Variants in GSN observed in about 807,000 individuals in gnomAD.
The protein encoded by GSN is gelsolin.
In GSN, 56 loss-of-function variants were observed where a neutral mutation model predicts 85.7. The observed-to-expected ratio is 0.65, with a 90% CI of 0.53 to 0.82. The LOEUF is 0.82. Ranked by LOEUF, GSN falls within the 40% of genes least tolerant of loss-of-function variation. The pLI, the probability that GSN is intolerant of heterozygous loss-of-function variation, is 0.00. For missense variants in GSN, 857 were observed against 979.8 expected, an observed-to-expected ratio of 0.87 and a Z score of 1.67; for synonymous variants, 373 against 399.1, an observed-to-expected ratio of 0.93 and a Z score of 0.78.
At chr9:121,296,763 T>G (rs2059259048) in intron 2 of GSN, among the ~76,000 whole-genome samples, 1 of 152,168 alleles carries the variant, frequency 6.6e-6, no homozygotes, top group African/African-American at 2.4e-5. Context: ...TAAGACAATG[T>G]TGCCCGCATC....
In GSN at chr9:121,255,624, C is replaced by T. The variant is rs189730524; in HGVS notation, c.-341+7301C>T. Among the ~76,000 whole-genome samples, 4 of 152,100 alleles carry T rather than the reference C, an allele frequency of 2.6e-5. No individual in the cohort carries two copies. In the South Asian group the frequency reaches 8.3e-4, roughly 32 times the overall value. ...ATATAGATATAGCTTGAGAATGCCC[C>T]CATTTTACTACATAAGGATTTCCAC... On this transcript the variant is annotated intron_variant, in intron 6 of 24. Coordinates refer to the GSN transcript ENST00000373823.
At position 121,329,051 on chromosome 9, in the gene GSN, C is replaced by T; in HGVS notation, c.1887+36C>T. On this transcript the variant is annotated intron_variant, in intron 15 of 17. Transcript: ENST00000432226. This position sits in a 1 kb window ranked among gnomAD's most constrained non-coding sequence, Gnocchi z 4.6. ...GCGGAGGTCACACCTCTGCTTTCCCCTCGGGAGGCGAGTTCCACAGGACTG... is the reference window on the plus strand; with the variant it reads ...GCGGAGGTCACACCTCTGCTTTCCCTTCGGGAGGCGAGTTCCACAGGACTG... 1 of 1,610,646 alleles carries T rather than the reference C, an allele frequency of 6.2e-7. No homozygotes were observed. The highest frequency in any genetic ancestry group is 8.5e-7 in the Non-Finnish European group (1 of 1,178,998).
upstream of GSN, among the ~76,000 whole-genome samples, chr9:121,263,550 G>A (rs1423916338): frequency 2.0e-5 from 3 of 152,070 alleles, no homozygotes; most frequent in Non-Finnish European, 4.4e-5. Context: ...TTACGTGGTG[G>A]CAGGAGAGAG....
chr9:121,291,104 T>A (rs1487065181), intron 2 of GSN, among the ~76,000 whole-genome samples: 2 of 152,000 alleles, frequency 1.3e-5, no homozygotes, highest in Non-Finnish European at 2.9e-5. Flanking sequence ...TTAAAAACAG[T>A]GCAGTGTAAC....
At position 121,329,664 on chromosome 9, in the gene GSN, T is replaced by C. The variant is rs1007641807; in HGVS notation, c.1965+349T>C. Among the ~76,000 whole-genome samples the C allele has an allele frequency of 6.6e-6, 1 of 152,244 alleles. No individual in the cohort carries two copies. Among genetic ancestry groups the C allele is most frequent in the Non-Finnish European group, 1.5e-5 (1 of 68,044 alleles). ...AAGTTGAACTTAGCAGCATCTTGTT[T>C]GCAGGCATAAACTGTCCAGTGTCAC... On this transcript the variant is annotated intron_variant, in intron 16 of 17. Transcript: ENST00000432226. This position sits in a 1 kb window ranked among gnomAD's most constrained non-coding sequence, Gnocchi z 4.6.
chr9:121,318,977 T>C lies in GSN; in HGVS notation c.1191+97T>C. 1 of 973,528 alleles carries C rather than the reference T, an allele frequency of 1.0e-6. No homozygotes were observed. The highest frequency in any genetic ancestry group is 1.6e-6 in the Non-Finnish European group (1 of 617,914). 60.3% of individuals were successfully genotyped at this position (973,528 alleles called of 1,614,324 possible). The stretch of plus-strand genomic sequence containing the variant: ...CCCAAGGAGGTTTCTCTCTGAGGTT[T>C]GCACAACTTTGGTAGCTGAGATTCT... On this transcript the variant is annotated intron_variant, in intron 10 of 17. Transcript: ENST00000432226. The surrounding 1 kb of genome is among the most constrained non-coding windows in gnomAD (Gnocchi z 4.3).
chr9:121,203,648 T>C (rs2053839163), upstream of GSN, among the ~76,000 whole-genome samples: 1 of 152,228 alleles, frequency 6.6e-6, no homozygotes, highest in Non-Finnish European at 1.5e-5. Context: ...TGCCAGTTTG[T>C]ACATCTCATA....
At chr9:121,317,022 G>C in intron 7 of GSN, 64 bp from the exon 8 acceptor site, 2 of 1,609,706 alleles carry the variant, frequency 1.2e-6, no homozygotes, top group Non-Finnish European at 1.7e-6. Context: ...CAAGATGGTG[G>C]AAGTCTCAGG....
intron 4 of GSN, among the ~76,000 whole-genome samples, chr9:121,217,651 A>G (rs1463673918): frequency 6.6e-6 from 1 of 152,006 alleles, no homozygotes; most frequent in African/African-American, 2.4e-5. Flanking sequence ...CCCTGTCTCT[A>G]AATACAGTCA....
At chr9:121,310,464 C>T (rs1310189206) in intron 4 of GSN, 4 of 592,192 alleles carry the variant, frequency 6.8e-6, no homozygotes, top group Admixed American at 2.6e-5. Flanking sequence ...TGGCCTTGGG[C>T]AAATTTTATT....
intron 1 of GSN, among the ~76,000 whole-genome samples, chr9:121,270,217 G>A (rs1271842237): frequency 6.6e-6 from 1 of 152,180 alleles, no homozygotes; most frequent in Non-Finnish European, 1.5e-5. Flanking sequence ...GGTGGTGGGA[G>A]GTTGAGAATC....
upstream of GSN, among the ~76,000 whole-genome samples, chr9:121,266,980 T>G (rs978614995): frequency 2.6e-5 from 4 of 152,190 alleles, no homozygotes; most frequent in African/African-American, 9.6e-5. Context: ...CAACAGCCTT[T>G]TCTGCTCTGA....
intron 4 of GSN, among the ~76,000 whole-genome samples, chr9:121,218,571 G>T (rs2054110709): frequency 6.6e-6 from 1 of 152,192 alleles, no homozygotes; most frequent in Non-Finnish European, 1.5e-5. Context: ...GGAGGCGGAG[G>T]TTGCAGTAAG....
chr9:121,301,824 G>A (rs2059896114), intron 2 of GSN, 139 bp from the exon 3 acceptor site: 1 of 1,395,500 alleles, frequency 7.2e-7, no homozygotes, highest in Non-Finnish European at 9.9e-7. Context: ...CCCAGAAGGG[G>A]ATAGACTTCC....
chr9:121,221,206 A>G (rs538274461), intron 4 of GSN, among the ~76,000 whole-genome samples: 1 of 152,286 alleles, frequency 6.6e-6, no homozygotes, highest in South Asian at 2.1e-4. Flanking sequence ...ATTGTCCGAA[A>G]CTTCTCCATT....
chr9:121,313,665 G>A lies in GSN; in HGVS notation c.664-269G>A, dbSNP rs551696814. On this transcript the variant is annotated intron_variant, in intron 6 of 17. Coordinates refer to ENST00000432226, the MANE Select transcript of GSN (RefSeq NM_198252.3). ...GTAGCTATAGTTATCACAATTAGCC[G>A]GTAGGCGAAATATCTGAAGCGCTGT... The A allele has an allele frequency of 3.7e-4, 198 of 532,826 alleles. 2 individuals are homozygous for A. Among genetic ancestry groups the A allele is most frequent in the South Asian group, 1.4e-3 (68 of 49,694 alleles). 33.0% of individuals were successfully genotyped at this position (532,826 alleles called of 1,614,324 possible).
At chr9:121,239,417 T>G (rs1462911623) in intron 5 of GSN, 1 of 423,658 alleles carries the variant, frequency 2.4e-6, no homozygotes, top group Non-Finnish European at 4.6e-6. Flanking sequence ...AACCAGGCAG[T>G]TTCCATGTTT....
chr9:121,215,650 C>T (rs534098904), intron 4 of GSN, among the ~76,000 whole-genome samples: 117 of 151,308 alleles, frequency 7.7e-4, no homozygotes, highest in South Asian at 2.5e-3. Flanking sequence ...GCCAAGATCG[C>T]GCCACTGCAC....
intron 2 of GSN, among the ~76,000 whole-genome samples, chr9:121,289,326 T>C (rs566156810): frequency 6.6e-6 from 1 of 151,730 alleles, no homozygotes; most frequent in Non-Finnish European, 1.5e-5. Flanking sequence ...TCAGGAAGGG[T>C]TTGCCAGGCC....
Sources: gnomAD v4.1 joint callset for allele counts (sites outside exome capture counted in the v4.1 genomes callset) on GRCh38, gnomAD v4.1.1 for gene constraint, Gnocchi (gnomAD v3.1) non-coding constraint, MANE v1.5 for transcripts, NCBI Gene and HGNC (gene_info 2026-07-23, HGNC 2026-07-21) for gene names.